The following EGFLAM variants were observed in gnomAD, a reference collection of about 807,000 sequenced individuals.
EGFLAM encodes EGF like, fibronectin type III and laminin G domains, also known as pikachurin.
Under a neutral mutation model 113.1 loss-of-function variants are expected in EGFLAM, and 79 were observed. The observed-to-expected ratio is 0.70, with a 90% CI of 0.58 to 0.84. The LOEUF (loss-of-function observed/expected upper bound fraction) is 0.84, where lower values mean the gene tolerates loss of function less well. Ranked by LOEUF, EGFLAM falls within the 40% of genes least tolerant of loss-of-function variation. The probability of loss-of-function intolerance (pLI) is 0.00; values close to 1 mark genes in which losing one functional copy is unlikely to be tolerated. For missense variants in EGFLAM, 1,265 were observed against 1,291.6 expected (o/e 0.98, Z 0.32); for synonymous variants, 504 against 487.6 (o/e 1.03, Z -0.44).
chr5:38,272,750 G>A (rs2057243089), intron 1 of EGFLAM, among the ~76,000 whole-genome samples: 1 of 97,804 alleles, frequency 1.0e-5, no homozygotes, highest in African/African-American at 4.8e-5. Flanking sequence ...TTTTTGAGAG[G>A]TGTGTGTATG....
At chr5:38,260,428 C>G (rs1363368088) in intron 1 of EGFLAM, among the ~76,000 whole-genome samples, 2 of 152,100 alleles carry the variant, frequency 1.3e-5, no homozygotes, top group East Asian at 3.9e-4. Context: ...TTGTATAAAA[C>G]TGCTCATGTG....
At chr5:38,407,263 C>T (rs767538478) in intron 8 of EGFLAM, 117 bp downstream of exon 8, 13 of 1,107,336 alleles carry the variant, frequency 1.2e-5, no homozygotes, top group African/African-American at 4.7e-5. Flanking sequence ...TAAGTACCTT[C>T]GTCCACATAT....
intron 9 of EGFLAM, among the ~76,000 whole-genome samples, chr5:38,408,386 A>G (rs1436137439): frequency 2.0e-5 from 3 of 152,332 alleles, no homozygotes; most frequent in Non-Finnish European, 4.4e-5. Context: ...TCAACTGCAG[A>G]TAAGAATTCA....
chr5:38,358,754 C>A (rs181759000), intron 5 of EGFLAM, among the ~76,000 whole-genome samples: 5 of 152,230 alleles, frequency 3.3e-5, no homozygotes, highest in African/African-American at 9.6e-5. Flanking sequence ...TGATCCCCCC[C>A]AAAGTTGGTC....
chr5:38,374,781 C>T (rs1349332789), intron 6 of EGFLAM, among the ~76,000 whole-genome samples: 1 of 152,202 alleles, frequency 6.6e-6, no homozygotes, highest in African/African-American at 2.4e-5. Flanking sequence ...AAACTGAATT[C>T]CTTCCCAAGG....
At chr5:38,376,717 T>G (rs1453826411) in intron 6 of EGFLAM, among the ~76,000 whole-genome samples, 1 of 152,188 alleles carries the variant, frequency 6.6e-6, no homozygotes, top group East Asian at 1.9e-4. Context: ...AGACAGGGTC[T>G]TGGAGTGCAG....
chr5:38,369,282 TA>T (rs1317278422), intron 5 of EGFLAM, among the ~76,000 whole-genome samples: 1 of 152,242 alleles, frequency 6.6e-6, no homozygotes, highest in African/African-American at 2.4e-5. Context: ...ATAACCCATA[TA>T]AAAACTATTG....
Position 38,397,319 on chromosome 5 carries a change from G to T in EGFLAM, c.713-8807G>T, listed in dbSNP as rs1245630830. Among the ~76,000 whole-genome samples, 3 of 152,172 alleles carry T rather than the reference G, an allele frequency of 2.0e-5. No homozygotes were observed. In the East Asian group the frequency reaches 5.8e-4, roughly 29 times the overall value. On this transcript the variant is annotated intron_variant, in intron 6 of 21. Coordinates refer to ENST00000322350, the MANE Select transcript of EGFLAM (RefSeq NM_152403.4). The stretch of plus-strand genomic sequence containing the variant: ...AGCAAGAGAAGCCATCCACATCTTT[G>T]CAGTCCCTGAGTTCCTGTGCTGGCT...
chr5:38,356,259 G>A (rs765544938), intron 5 of EGFLAM, among the ~76,000 whole-genome samples: 16 of 152,198 alleles, frequency 1.1e-4, no homozygotes, highest in Non-Finnish European at 2.2e-4. Flanking sequence ...TAGGAATTCT[G>A]CCTCTATCTC....
chr5:38,383,743 G>A (rs1311743639), intron 6 of EGFLAM, among the ~76,000 whole-genome samples: 1 of 152,114 alleles, frequency 6.6e-6, no homozygotes, highest in African/African-American at 2.4e-5. Context: ...CTAAGAGGGT[G>A]TAGAGGATGG....
rs562306849 is a variant in EGFLAM at position 38,265,917 on chromosome 5, C to T, written c.97+7066C>T. 1.5e-4 allele frequency among the ~76,000 whole-genome samples: 23 copies of T among 152,344 alleles called. 1 individual carries two copies. The South Asian group carries it at 4.8e-3, about 32-fold the overall frequency. ...CCAAAAGAGAGTTTGGACTCTCCCACTGCCTCCCTCTCCCTGGTACCTCGA... is the reference window on the plus strand; with the variant it reads ...CCAAAAGAGAGTTTGGACTCTCCCATTGCCTCCCTCTCCCTGGTACCTCGA... On this transcript the variant is annotated intron_variant, in intron 1 of 21. Coordinates refer to ENST00000322350, the MANE Select transcript of EGFLAM (RefSeq NM_152403.4).
At chr5:38,435,044 T>C in intron 15 of EGFLAM, 93 bp from the exon 16 acceptor site, 1 of 1,051,064 alleles carries the variant, frequency 9.5e-7, no homozygotes, top group East Asian at 2.4e-5. Flanking sequence ...CTGTCTACCA[T>C]TTTGTTCCCC....
At chr5:38,438,543 G>C in intron 17 of EGFLAM, 88 bp downstream of exon 17, 1 of 1,309,472 alleles carries the variant, frequency 7.6e-7, no homozygotes, top group Non-Finnish European at 1.0e-6. Flanking sequence ...TAATGGAAGA[G>C]TTGTAACAGT....
intron 1 of EGFLAM, among the ~76,000 whole-genome samples, chr5:38,297,892 T>C (rs541994764): frequency 6.6e-6 from 1 of 152,288 alleles, no homozygotes; most frequent in East Asian, 1.9e-4. Flanking sequence ...TAAAGAGAAG[T>C]GGCCAAAGAG....
At chr5:38,268,292 C>T (rs1757682098) in intron 1 of EGFLAM, among the ~76,000 whole-genome samples, 1 of 152,136 alleles carries the variant, frequency 6.6e-6, no homozygotes, top group Admixed American at 6.5e-5. Context: ...CAGCTGTCTT[C>T]CTCCAAAGGG....
intron 1 of EGFLAM, among the ~76,000 whole-genome samples, chr5:38,328,530 G>A (rs1308910318): frequency 6.6e-6 from 1 of 152,140 alleles, no homozygotes; most frequent in Non-Finnish European, 1.5e-5. Flanking sequence ...CTTCCACAAT[G>A]TCTGAATACT....
chr5:38,435,806 C>CTTT lies in EGFLAM; in HGVS notation c.2283+580_2283+582dup, dbSNP rs60461690. On this transcript the variant is annotated intron_variant, in intron 16 of 21. Coordinates refer to ENST00000322350, the MANE Select transcript of EGFLAM (RefSeq NM_152403.4). ...AAGATACTGACTCCCCCGGCTCTCT[C>CTTT]TTTTTTTTTTTTTTTTTTTTTTTTT... 1.4e-3 allele frequency among the ~76,000 whole-genome samples: 126 copies of CTTT among 88,918 alleles called. 2 individuals carry two copies. Among genetic ancestry groups the CTTT allele is most frequent in the East Asian group, 2.0e-3 (6 of 2,958 alleles). The allele number at this position is 88,918 out of a possible 152,430, so 58.3% of individuals were successfully genotyped here.
At chr5:38,398,190 T>G (rs951396919) in intron 6 of EGFLAM, among the ~76,000 whole-genome samples, 8 of 152,230 alleles carry the variant, frequency 5.3e-5, no homozygotes, top group Non-Finnish European at 7.3e-5. Context: ...CCTGAACTTT[T>G]GCTGTTAAGA....
At chr5:38,289,277 C>A (rs969089179) in intron 1 of EGFLAM, among the ~76,000 whole-genome samples, 1 of 146,412 alleles carries the variant, frequency 6.8e-6, no homozygotes, top group Non-Finnish European at 1.5e-5. Context: ...CTTTCCCCGC[C>A]CCCACATTTC....
Sources: gnomAD v4.1 joint callset for allele counts (sites outside exome capture counted in the v4.1 genomes callset) on GRCh38, gnomAD v4.1.1 for gene constraint, MANE v1.5 for transcripts, NCBI Gene and HGNC (gene_info 2026-07-23, HGNC 2026-07-21) for gene names.